Variants in ZNF407 observed in about 807,000 individuals in gnomAD.
The protein encoded by ZNF407 is zinc finger protein 407.
In ZNF407, 17 loss-of-function variants were observed where a neutral mutation model predicts 131.2. The observed-to-expected ratio is 0.13, with a 90% CI of 0.09 to 0.19. ZNF407 has a LOEUF of 0.19. Among genes scored for constraint, ZNF407 ranks in the 10% least tolerant of loss-of-function variants. ZNF407 has a pLI of 1.00. For missense variants in ZNF407, 2,681 were observed against 2,830.6 expected, an observed-to-expected ratio of 0.95 and a Z score of 1.20; for synonymous variants, 1,156 against 1,062.0, an observed-to-expected ratio of 1.09 and a Z score of -1.72.
At chr18:74,646,274 A>T (rs2144699309) in intron 3 of ZNF407, among the ~76,000 whole-genome samples, 1 of 152,308 alleles carries the variant, frequency 6.6e-6, no homozygotes, top group Admixed American at 6.5e-5. Context: ...CATCATATCT[A>T]CAGATATATC....
rs1286050071 is a variant in ZNF407, at chr18:74,664,193, A to G, written c.4802+23071A>G. On this transcript the variant is annotated intron_variant, in intron 3 of 8. Coordinates refer to ENST00000299687, the MANE Select transcript of ZNF407 (RefSeq NM_017757.3). ...TTTAACCAACGACAGCTATCACCAC[A>G]GTCTCTTAAAAGAAAGGACATTTTT... Among the ~76,000 whole-genome samples, 4 of 152,180 alleles carry G rather than the reference A, an allele frequency of 2.6e-5. No individual in the cohort carries two copies. The East Asian group carries it at 7.7e-4, about 29-fold the overall frequency.
At chr18:74,954,217 C>A (rs1972250139) in intron 8 of ZNF407, among the ~76,000 whole-genome samples, 1 of 152,144 alleles carries the variant, frequency 6.6e-6, no homozygotes, top group African/African-American at 2.4e-5. Flanking sequence ...TTAAGATAAT[C>A]TCAAAAACCA....
intron 8 of ZNF407, among the ~76,000 whole-genome samples, chr18:75,046,970 G>A (rs567125857): frequency 6.6e-6 from 1 of 152,248 alleles, no homozygotes; most frequent in African/African-American, 2.4e-5. Context: ...AAGAAAAAGG[G>A]AAGGAAACCT....
chr18:74,773,465 T>TA (rs2145006216), intron 3 of ZNF407, among the ~76,000 whole-genome samples: 2 of 145,172 alleles, frequency 1.4e-5, no homozygotes, highest in African/African-American at 5.6e-5. Flanking sequence ...TTAGAGAGCT[T>TA]AAAGAAGAGA....
chr18:74,705,705 A>T (rs1006386852), intron 3 of ZNF407, among the ~76,000 whole-genome samples: 3 of 152,224 alleles, frequency 2.0e-5, no homozygotes, highest in Non-Finnish European at 4.4e-5. Context: ...TATATTTAAA[A>T]ATTAATAGCA....
chr18:75,040,563 G>A (rs530941859), intron 8 of ZNF407, among the ~76,000 whole-genome samples: 2 of 152,202 alleles, frequency 1.3e-5, no homozygotes, highest in African/African-American at 2.4e-5. Flanking sequence ...TTGGCTACAC[G>A]TGGTTTCAGC....
intron 3 of ZNF407, among the ~76,000 whole-genome samples, chr18:74,777,421 T>G (rs1969495848): frequency 6.6e-6 from 1 of 152,104 alleles, no homozygotes; most frequent in Non-Finnish European, 1.5e-5. Flanking sequence ...GCAAGAGCAG[T>G]TCTAGCATGG....
intron 8 of ZNF407, among the ~76,000 whole-genome samples, chr18:75,012,278 ATAGTGTATG>A (rs1972984073): frequency 8.5e-6 from 1 of 116,990 alleles, no homozygotes; most frequent in South Asian, 2.6e-4. Flanking sequence ...GTATGTACAC[ATAGTGTATG>A]TACACATAGT....
chr18:74,944,458 A>G (rs951526383), intron 8 of ZNF407, among the ~76,000 whole-genome samples: 8 of 152,214 alleles, frequency 5.3e-5, no homozygotes, highest in African/African-American at 1.9e-4. Flanking sequence ...GTAGAATTGC[A>G]GGATGCACAC....
chr18:74,927,981 C>T (rs976448506), intron 8 of ZNF407, among the ~76,000 whole-genome samples: 2 of 151,802 alleles, frequency 1.3e-5, no homozygotes, highest in Non-Finnish European at 2.9e-5. Flanking sequence ...TGTATGTTAC[C>T]TATGTTGAAG....
At chr18:74,868,781 G>T (rs1333253569) in intron 4 of ZNF407, among the ~76,000 whole-genome samples, 1 of 152,148 alleles carries the variant, frequency 6.6e-6, no homozygotes, top group Non-Finnish European at 1.5e-5. Context: ...TATGTGTATT[G>T]ACCCTTTTTC....
chr18:74,681,010 C>G (rs1454386951), intron 3 of ZNF407, among the ~76,000 whole-genome samples: 1 of 151,930 alleles, frequency 6.6e-6, no homozygotes, highest in Non-Finnish European at 1.5e-5. Context: ...GTGCTTGGCC[C>G]CGGAAATAAA....
intron 3 of ZNF407, among the ~76,000 whole-genome samples, chr18:74,682,016 C>T (rs553213470): frequency 1.2e-3 from 177 of 152,220 alleles, no homozygotes; most frequent in African/African-American, 3.9e-3. Context: ...GCTATATTGC[C>T]ACATCTACCA....
intron 3 of ZNF407, among the ~76,000 whole-genome samples, chr18:74,669,231 G>A (rs952707790): frequency 6.6e-6 from 1 of 152,216 alleles, no homozygotes; most frequent in African/African-American, 2.4e-5. Context: ...GCTTTGGTCA[G>A]CCATGTGCCA....
At chr18:74,720,833 T>C (rs1053500249) in intron 3 of ZNF407, among the ~76,000 whole-genome samples, 4 of 152,194 alleles carry the variant, frequency 2.6e-5, no homozygotes, top group Non-Finnish European at 5.9e-5. Flanking sequence ...TTCTGTTCCA[T>C]TGGTCTGTGT....
At chr18:74,855,898 G>A (rs1307214287) in intron 4 of ZNF407, among the ~76,000 whole-genome samples, 1 of 152,142 alleles carries the variant, frequency 6.6e-6, no homozygotes, top group Admixed American at 6.5e-5. Context: ...CATTCAATTT[G>A]ACTTGATACA....
At chr18:74,662,076 A>C (rs1985740214) in intron 3 of ZNF407, among the ~76,000 whole-genome samples, 1 of 151,480 alleles carries the variant, frequency 6.6e-6, no homozygotes, top group African/African-American at 2.4e-5. Context: ...ACTGGAATGC[A>C]GCAAAGCATT....
intron 3 of ZNF407, among the ~76,000 whole-genome samples, chr18:74,710,995 A>G (rs1415343983): frequency 1.9e-5 from 2 of 107,612 alleles, no homozygotes; most frequent in Non-Finnish European, 4.3e-5. Context: ...TTCTCCATGG[A>G]TGCTATTATC....
At chr18:74,838,521 G>T (rs1258920866) in intron 4 of ZNF407, among the ~76,000 whole-genome samples, 2 of 151,778 alleles carry the variant, frequency 1.3e-5, no homozygotes, top group African/African-American at 4.8e-5. Context: ...TTCTAATCTA[G>T]ACAACTGTGT....
Sources: gnomAD v4.1 joint callset for allele counts (sites outside exome capture counted in the v4.1 genomes callset) on GRCh38, gnomAD v4.1.1 for gene constraint, MANE v1.5 for transcripts, NCBI Gene and HGNC (gene_info 2026-07-23, HGNC 2026-07-21) for gene names.